MARCHF10: variants seen among roughly 807,000 people sequenced by gnomAD.
The protein encoded by MARCHF10 is membrane associated ring-CH-type finger 10, also known as probable E3 ubiquitin-protein ligase MARCHF10.
A neutral mutation model predicts 76.2 loss-of-function variants in MARCHF10; 64 were observed. The ratio of observed to expected loss-of-function variants is 0.84; its 90% CI spans 0.69 to 1.03. The LOEUF is 1.03. Among genes scored for constraint, MARCHF10 ranks in the 50% least tolerant of loss-of-function variants. The pLI is 0.00. For missense variants in MARCHF10, 875 were observed against 958.0 expected, an observed-to-expected ratio of 0.91 and a Z score of 1.14; for synonymous variants, 340 against 357.5, an observed-to-expected ratio of 0.95 and a Z score of 0.55.
At chr17:62,741,427 C>T (rs1052614493) in intron 5 of MARCHF10, among the ~76,000 whole-genome samples, 24 of 152,286 alleles carry the variant, frequency 1.6e-4, no homozygotes, top group African/African-American at 5.5e-4. Context: ...ACCAAATGAC[C>T]CAACAGGTAG....
At chr17:62,735,796 T>G (rs1199140907) in intron 6 of MARCHF10, 135 bp downstream of exon 6, 1 of 741,032 alleles carries the variant, frequency 1.3e-6, no homozygotes, top group African/African-American at 1.8e-5. Context: ...GACAATTTTC[T>G]CAAAATAAGC....
chr17:62,734,680 A>G (rs1012268), intron 6 of MARCHF10, among the ~76,000 whole-genome samples: 68,274 of 151,964 alleles, frequency 0.45, 16,353 homozygotes, highest in African/African-American at 0.62. Flanking sequence ...TTTCTTTTAA[A>G]TCTGTATTTT....
chr17:62,807,690 G>A (rs900663946), intron 1 of MARCHF10, among the ~76,000 whole-genome samples: 6 of 152,016 alleles, frequency 3.9e-5, no homozygotes, highest in African/African-American at 9.7e-5. Flanking sequence ...TTGAGCCTGG[G>A]AGGTCGAGGC....
At chr17:62,737,359 G>A (rs760211832) in intron 5 of MARCHF10, 27 bp from the exon 6 acceptor site, 16 of 1,590,708 alleles carry the variant, frequency 1.0e-5, no homozygotes, top group South Asian at 3.5e-5. Context: ...CACATTTATC[G>A]TTCCAGTAAA....
At chr17:62,751,269 C>T (rs2091890092) in intron 4 of MARCHF10, among the ~76,000 whole-genome samples, 1 of 152,118 alleles carries the variant, frequency 6.6e-6, no homozygotes, top group Admixed American at 6.5e-5. Flanking sequence ...GAATCGACGG[C>T]TTACCTGCCC....
At chr17:62,791,768 G>A (rs184275049) in intron 2 of MARCHF10, among the ~76,000 whole-genome samples, 7 of 152,078 alleles carry the variant, frequency 4.6e-5, no homozygotes, top group Admixed American at 3.9e-4. Flanking sequence ...CCCTGCAAGG[G>A]CTGGTTTTCT....
intron 3 of MARCHF10, among the ~76,000 whole-genome samples, chr17:62,763,310 T>TA (rs1480054137): frequency 1.3e-5 from 2 of 152,194 alleles, no homozygotes; most frequent in African/African-American, 4.8e-5. Flanking sequence ...AAAAGGGTGG[T>TA]ATGAATGGAG....
Position 62,724,919 on chromosome 17 carries a change from C to T in MARCHF10, c.2104+19G>A. 4 of 1,610,168 alleles carry T rather than the reference C, an allele frequency of 2.5e-6. No homozygotes were observed. The highest frequency in any genetic ancestry group is 3.4e-6 in the Non-Finnish European group (4 of 1,178,604). The stretch of plus-strand genomic sequence containing the variant: ...ATTACATGTCGTGGCACGTTCACTG[C>T]ACTTCCTTCCCCACCTACCTGATGT... On this transcript the variant is annotated intron_variant, in intron 7 of 10. Coordinates refer to ENST00000311269, the MANE Select transcript of MARCHF10 (RefSeq NM_152598.4).
chr17:62,714,481 C>T (rs899401322), intron 8 of MARCHF10: 4 of 927,960 alleles, frequency 4.3e-6, no homozygotes, highest in African/African-American at 1.8e-5. Context: ...ATTGTCTGGG[C>T]GTTAAGATCT....
chr17:62,744,441 G>A lies in MARCHF10; in HGVS notation c.470C>T (p.Ala157Val). Reference sequence around the variant, plus strand: ...TTTCTGTCTGCTTCTGTCCCCAGATGCTCTCGGGCTGTGCGATTCTGGGCT... The same window carrying A: ...TTTCTGTCTGCTTCTGTCCCCAGATACTCTCGGGCTGTGCGATTCTGGGCT... ...TVSPESHSPR[A>V]SGDRSRQKQQ... The change falls in exon 5 of 11, where the codon GCA becomes GTA. Residue 157 changes from alanine to valine, a missense_variant. Physicochemically the swap from Ala to Val is moderately conservative, Grantham distance 64. Coordinates refer to ENST00000311269, the MANE Select transcript of MARCHF10 (RefSeq NM_152598.4). 1 of 1,614,180 alleles carries A rather than the reference G, an allele frequency of 6.2e-7. No individual in the cohort carries two copies. The highest frequency in any genetic ancestry group is 1.1e-5 in the South Asian group (1 of 91,076).
Position 62,711,686 on chromosome 17 carries a change from C to G in MARCHF10, c.2215-342G>C, listed in dbSNP as rs2089938778. Among the ~76,000 whole-genome samples the G allele has an allele frequency of 6.6e-6, 1 of 152,202 alleles. No homozygotes were observed. The highest frequency in any genetic ancestry group is 6.5e-5 in the Admixed American group (1 of 15,284). On this transcript the variant is annotated intron_variant, in intron 8 of 10. Coordinates refer to ENST00000311269, the MANE Select transcript of MARCHF10 (RefSeq NM_152598.4). The surrounding 1 kb of genome is among the most constrained non-coding windows in gnomAD (Gnocchi z 4.4). ...ACAGGGCAAAAAGCCTCAGAACTCCCTGCTGGGAACCGATCACCTGGTGTG... is the reference window on the plus strand; with the variant it reads ...ACAGGGCAAAAAGCCTCAGAACTCCGTGCTGGGAACCGATCACCTGGTGTG...
At chr17:62,808,020 G>C (rs960011006) in intron 1 of MARCHF10, 57 bp downstream of exon 1, 4 of 151,978 alleles carry the variant, frequency 2.6e-5, no homozygotes, top group Non-Finnish European at 4.4e-5. Flanking sequence ...GAAAGGGAAG[G>C]TTGTCCCCCA....
At chr17:62,769,600 G>C (rs1266553166) in intron 3 of MARCHF10, among the ~76,000 whole-genome samples, 2 of 152,086 alleles carry the variant, frequency 1.3e-5, no homozygotes, top group African/African-American at 4.8e-5. Context: ...TTTTAGTAGA[G>C]ACAGGGTTTC....
chr17:62,714,851 T>C (rs1437959056), intron 8 of MARCHF10, among the ~76,000 whole-genome samples: 2 of 152,114 alleles, frequency 1.3e-5, no homozygotes, highest in Non-Finnish European at 1.5e-5. Flanking sequence ...GTTTAAGTGA[T>C]TCTCCTGCCT....
intron 8 of MARCHF10, among the ~76,000 whole-genome samples, chr17:62,715,530 G>A (rs1315936594): frequency 1.3e-5 from 2 of 152,186 alleles, no homozygotes; most frequent in Non-Finnish European, 2.9e-5. Flanking sequence ...CCGCAAAACC[G>A]AGTGCCCAAC....
At chr17:62,762,872 A>G (rs1180564583) in intron 3 of MARCHF10, among the ~76,000 whole-genome samples, 1 of 152,182 alleles carries the variant, frequency 6.6e-6, no homozygotes, top group Non-Finnish European at 1.5e-5. Flanking sequence ...ACCCCATCGT[A>G]TCACGCAGGG....
chr17:62,784,762 C>T (rs914144898), intron 3 of MARCHF10, among the ~76,000 whole-genome samples: 3 of 152,166 alleles, frequency 2.0e-5, no homozygotes, highest in East Asian at 1.9e-4. Flanking sequence ...CATGAGTGAA[C>T]TCTCATTCAC....
In MARCHF10 at chr17:62,744,388, G is replaced by C; in HGVS notation, c.523C>G (p.Pro175Ala). ...KQQWPAKVPV[P>A]RGADQVVQQE... ...CCCGGGTCCTTACCTGCTCCCCTGG[G>C]AACCGGCACCTTTGCAGGCCACTGC... The change falls in exon 5 of 11, where the codon CCC becomes GCC. Residue 175 changes from proline to alanine, a missense_variant. Pro to Ala is a conservative substitution (Grantham distance 27, BLOSUM62 -1). Coordinates refer to ENST00000311269, the MANE Select transcript of MARCHF10 (RefSeq NM_152598.4). 1 of 1,613,818 alleles carries C rather than the reference G, an allele frequency of 6.2e-7. No individual in the cohort carries two copies. The highest frequency in any genetic ancestry group is 1.1e-5 in the South Asian group (1 of 90,942).
intron 10 of MARCHF10, 42 bp downstream of exon 10, chr17:62,705,497 G>A: frequency 6.2e-7 from 1 of 1,614,010 alleles, no homozygotes; most frequent in Non-Finnish European, 8.5e-7. Flanking sequence ...GAGTAATTTA[G>A]CAAACACCCT....
Sources: gnomAD v4.1 joint callset for allele counts (sites outside exome capture counted in the v4.1 genomes callset) on GRCh38, gnomAD v4.1.1 for gene constraint, Gnocchi (gnomAD v3.1) non-coding constraint, MANE v1.5 for transcripts, NCBI Gene and HGNC (gene_info 2026-07-23, HGNC 2026-07-21) for gene names.